The following SLC8A3 variants were observed in gnomAD, a reference collection of about 807,000 sequenced individuals.
SLC8A3 encodes solute carrier family 8 member A3.
A neutral mutation model predicts 65.4 loss-of-function variants in SLC8A3; 37 were observed. That is an observed-to-expected ratio of 0.57 (90% CI 0.44 to 0.74). The LOEUF (loss-of-function observed/expected upper bound fraction) is 0.74, where lower values mean the gene tolerates loss of function less well. SLC8A3 is among the 30% of genes least tolerant of loss of function. The probability of loss-of-function intolerance (pLI) is 0.00; values close to 1 mark genes in which losing one functional copy is unlikely to be tolerated. For missense variants in SLC8A3, 1,112 were observed against 1,172.1 expected, an observed-to-expected ratio of 0.95 and a Z score of 0.75; for synonymous variants, 461 against 444.5, an observed-to-expected ratio of 1.04 and a Z score of -0.47.
intron 2 of SLC8A3, among the ~76,000 whole-genome samples, chr14:70,164,442 T>A (rs574938765): frequency 5.3e-4 from 81 of 152,310 alleles, no homozygotes; most frequent in Non-Finnish European, 8.4e-4. Flanking sequence ...CATAGATTTG[T>A]TCACCAAACC....
At chr14:70,055,133 T>A (rs1035168975) in intron 3 of SLC8A3, among the ~76,000 whole-genome samples, 4 of 152,074 alleles carry the variant, frequency 2.6e-5, no homozygotes, top group Admixed American at 2.0e-4. Flanking sequence ...TGCATGAGAA[T>A]CTCTTCAAAA....
chr14:70,121,887 G>T (rs746456187), intron 2 of SLC8A3, among the ~76,000 whole-genome samples: 58 of 152,204 alleles, frequency 3.8e-4, no homozygotes, highest in Middle Eastern at 6.8e-3. Context: ...TTCCTGCAGG[G>T]GCTGGGAATG....
At position 70,060,911 on chromosome 14, in the gene SLC8A3, C is replaced by T; in HGVS notation, c.1813G>A (p.Glu605Lys). ...TTCTCTTGCCTTTCGTATTCCTCCT[C>T]ATCTACTATTTTAACCCTTATGGTT... is the stretch of plus-strand genomic sequence containing the variant. Reference protein sequence around the residue: ...VKTIRVKIVDEEEYERQENFF... With the variant: ...VKTIRVKIVDKEEYERQENFF... The change falls in exon 3 of 7, where the codon GAG becomes AAG. Residue 605 changes from glutamate (E) to lysine (K), a missense_variant. Physicochemically the swap from Glu to Lys is moderately conservative, Grantham distance 56. Coordinates refer to ENST00000356921, the MANE Select transcript of SLC8A3 (RefSeq NM_182932.3). 6.6e-7 allele frequency: 1 copy of T among 1,517,588 alleles called. No homozygotes were observed. The highest frequency in any genetic ancestry group is 8.8e-7 in the Non-Finnish European group (1 of 1,133,448). The allele number at this position is 1,517,588 out of a possible 1,614,324, so 94.0% of individuals were successfully genotyped here.
At chr14:70,097,133 C>A (rs561882075) in intron 2 of SLC8A3, among the ~76,000 whole-genome samples, 1 of 152,002 alleles carries the variant, frequency 6.6e-6, no homozygotes, top group Non-Finnish European at 1.5e-5. Context: ...TTGTGGGGGA[C>A]CATGGGCTCA....
chr14:70,103,810 T>G (rs1892686771), intron 2 of SLC8A3, among the ~76,000 whole-genome samples: 1 of 152,014 alleles, frequency 6.6e-6, no homozygotes, highest in Non-Finnish European at 1.5e-5. Flanking sequence ...TTGATAAGCA[T>G]ATTATATGGA....
rs534727776 is a variant in SLC8A3, at chr14:70,127,362, C to T, written c.1784+39277G>A. On this transcript the variant is annotated intron_variant, in intron 2 of 6. Transcript: ENST00000356921. Reference sequence around the variant, plus strand: ...TGCTGAGCAGGTAGACTTTTTGACCCCGCCCAGGTAGACTTTTTGACCCCG... The same window carrying T: ...TGCTGAGCAGGTAGACTTTTTGACCTCGCCCAGGTAGACTTTTTGACCCCG... 1.1e-4 allele frequency among the ~76,000 whole-genome samples: 16 copies of T among 152,056 alleles called. No individual in the cohort carries two copies. The South Asian group carries it at 3.3e-3, about 32-fold the overall frequency.
At position 70,167,760 on chromosome 14, in the gene SLC8A3, C is replaced by T. The variant is rs1240651877; in HGVS notation, c.663G>A (p.Leu221=). ...IFAYIWLYMI[L]AVFSPGVVQV... is the part of the protein sequence containing the mutation. ...GGACCACACCAGGGGAGAAGACTGC[C>T]AGAATCATATAGAGCCAGATGTAGG... The change falls in exon 2 of 7, where the codon CTG becomes CTA. Residue 221 remains leucine, a synonymous_variant. Transcript: ENST00000356921. The T allele has an allele frequency of 1.9e-6, 3 of 1,614,162 alleles. No homozygotes were observed. Among genetic ancestry groups the T allele is most frequent in the Admixed American group, 1.7e-5 (1 of 60,022 alleles).
chr14:70,082,516 C>T (rs1201017347), intron 2 of SLC8A3, among the ~76,000 whole-genome samples: 1 of 152,214 alleles, frequency 6.6e-6, no homozygotes, highest in Non-Finnish European at 1.5e-5. Flanking sequence ...GCATACAAGG[C>T]AGAGCTGAGA....
chr14:70,172,681 G>GAAA (rs147893506), intron 1 of SLC8A3, among the ~76,000 whole-genome samples: 8 of 105,106 alleles, frequency 7.6e-5, no homozygotes, highest in African/African-American at 2.6e-4. Flanking sequence ...GATTAAAAAA[G>GAAA]AAAAAAAAAA....
chr14:70,057,320 A>C (rs1888253825), intron 3 of SLC8A3, among the ~76,000 whole-genome samples: 1 of 152,122 alleles, frequency 6.6e-6, no homozygotes, highest in Non-Finnish European at 1.5e-5. Context: ...ATAGATAGAT[A>C]GATAGATAGA....
Position 70,171,326 on chromosome 14 carries a change from G to T in SLC8A3, c.-62-2842C>A, listed in dbSNP as rs573391355. On this transcript the variant is annotated intron_variant, in intron 1 of 6. Transcript: ENST00000356921. ...CCTGATTAACAGGGGACTTGGAGTCGTATTTATCTTATGGACCAGGAGAAT... is the reference window on the plus strand; with the variant it reads ...CCTGATTAACAGGGGACTTGGAGTCTTATTTATCTTATGGACCAGGAGAAT... Among the ~76,000 whole-genome samples, 4 of 152,168 alleles carry T rather than the reference G, an allele frequency of 2.6e-5. No individual in the cohort carries two copies. In the South Asian group the frequency reaches 8.3e-4, roughly 32 times the overall value.
intron 2 of SLC8A3, among the ~76,000 whole-genome samples, chr14:70,065,761 C>G (rs1889354282): frequency 6.6e-6 from 1 of 152,146 alleles, no homozygotes; most frequent in Non-Finnish European, 1.5e-5. Flanking sequence ...GTAAGGGAAG[C>G]TTATCATCTT....
At chr14:70,143,175 T>C (rs1241005079) in intron 2 of SLC8A3, among the ~76,000 whole-genome samples, 1 of 152,218 alleles carries the variant, frequency 6.6e-6, no homozygotes, top group Non-Finnish European at 1.5e-5. Flanking sequence ...TTCATATGGC[T>C]GTTGCCTGTA....
intron 2 of SLC8A3, among the ~76,000 whole-genome samples, chr14:70,099,771 C>T (rs2140101039): frequency 6.6e-6 from 1 of 152,260 alleles, no homozygotes; most frequent in Admixed American, 6.5e-5. Flanking sequence ...TTCAGAATTC[C>T]CAGAGTTCTA....
chr14:70,170,421 A>G (rs1229223384), intron 1 of SLC8A3, among the ~76,000 whole-genome samples: 2 of 152,210 alleles, frequency 1.3e-5, no homozygotes, highest in African/African-American at 4.8e-5. Context: ...AATGCTTTAG[A>G]TCTCATCCAA....
chr14:70,094,428 TC>T (rs745881427), intron 2 of SLC8A3, among the ~76,000 whole-genome samples: 14 of 152,158 alleles, frequency 9.2e-5, no homozygotes, highest in Non-Finnish European at 1.6e-4. Flanking sequence ...AACCAACAGT[TC>T]CCATCATTAC....
rs767758968 is a variant in SLC8A3 at position 70,166,786 on chromosome 14, C to A, written c.1637G>T (p.Gly546Val). The A allele has an allele frequency of 6.2e-7, 1 of 1,614,054 alleles. No homozygotes were observed. The change falls in exon 2 of 7, where the codon GGT becomes GTT. Residue 546 changes from glycine (G) to valine (V), a missense_variant. Coordinates refer to ENST00000356921, the MANE Select transcript of SLC8A3 (RefSeq NM_182932.3). ...CCGCAGAACCTTGACCTCCATAACA[C>A]CAATACTCTCACTGACATGAATAGT... is the stretch of plus-strand genomic sequence containing the variant. Reference protein sequence around the residue: ...CDTIHVSESIGVMEVKVLRTS... With the variant: ...CDTIHVSESIVVMEVKVLRTS...
At position 70,046,345 on chromosome 14, in the gene SLC8A3, T is replaced by C. The variant is rs751998377; in HGVS notation, c.2390-22A>G. 7.0e-6 allele frequency: 11 copies of C among 1,581,676 alleles called. No homozygotes were observed. The highest frequency in any genetic ancestry group is 9.5e-6 in the Non-Finnish European group (11 of 1,162,330). ...GTATCTGGAAAAGGACAAAGACACATGGGAACTGGTAGGAGGCTAAGGTGT... is the reference window on the plus strand; with the variant it reads ...GTATCTGGAAAAGGACAAAGACACACGGGAACTGGTAGGAGGCTAAGGTGT... On this transcript the variant is annotated intron_variant, in intron 6 of 6. Coordinates refer to ENST00000356921, the MANE Select transcript of SLC8A3 (RefSeq NM_182932.3). This position sits in a 1 kb window ranked among gnomAD's most constrained non-coding sequence, Gnocchi z 4.2.
chr14:70,071,994 C>A (rs1385360575), intron 2 of SLC8A3, among the ~76,000 whole-genome samples: 1 of 152,178 alleles, frequency 6.6e-6, no homozygotes, highest in Non-Finnish European at 1.5e-5. Context: ...TTCTACATAC[C>A]TGTGACTAGC....
Sources: allele counts gnomAD v4.1 joint callset (sites outside exome capture counted in the v4.1 genomes callset), GRCh38; gene constraint gnomAD v4.1.1; non-coding constraint Gnocchi (gnomAD v3.1); transcripts MANE v1.5; gene names NCBI Gene and HGNC (gene_info 2026-07-23, HGNC 2026-07-21).